Variants in ELP3 observed in about 807,000 individuals in gnomAD.
The protein encoded by ELP3 is elongator acetyltransferase complex subunit 3.
A neutral mutation model predicts 74.9 loss-of-function variants in ELP3; 56 were observed. The ratio of observed to expected loss-of-function variants is 0.75; its 90% CI spans 0.60 to 0.93. ELP3 has a LOEUF of 0.93. Ranked by LOEUF, ELP3 falls within the 40% of genes least tolerant of loss-of-function variation. The probability of loss-of-function intolerance (pLI) is 0.00; values close to 1 mark genes in which losing one functional copy is unlikely to be tolerated. For synonymous variants in ELP3, 222 were observed against 239.8 expected (o/e 0.93, Z 0.68); for missense variants, 573 against 686.5 (o/e 0.83, Z 1.85).
chr8:28,098,370 A>C (rs1165828243), intron 2 of ELP3, among the ~76,000 whole-genome samples: 1 of 152,080 alleles, frequency 6.6e-6, no homozygotes, highest in Non-Finnish European at 1.5e-5. Flanking sequence ...CCTTCCTTGA[A>C]TCCTCATGCT....
chr8:28,140,526 A>T (rs1226518405), intron 10 of ELP3, among the ~76,000 whole-genome samples: 14 of 152,156 alleles, frequency 9.2e-5, no homozygotes. Flanking sequence ...TTGTGACTCA[A>T]ATCCAATACT....
At chr8:28,131,924 T>C (rs1812798971) in intron 8 of ELP3, among the ~76,000 whole-genome samples, 1 of 152,238 alleles carries the variant, frequency 6.6e-6, no homozygotes, top group Non-Finnish European at 1.5e-5. Flanking sequence ...TTTACATTCA[T>C]AAGCTTATTT....
At chr8:28,185,297 G>A (rs1815192312) in intron 14 of ELP3, among the ~76,000 whole-genome samples, 1 of 152,120 alleles carries the variant, frequency 6.6e-6, no homozygotes, top group Non-Finnish European at 1.5e-5. Flanking sequence ...TTCAGCTCTT[G>A]TACATTGAAT....
chr8:28,149,025 C>T (rs995948607), intron 10 of ELP3, among the ~76,000 whole-genome samples: 5 of 152,190 alleles, frequency 3.3e-5, no homozygotes, highest in African/African-American at 7.2e-5. Flanking sequence ...TTCCTTCCAT[C>T]ATATGAGACA....
At position 28,187,572 on chromosome 8, in the gene ELP3, G is replaced by A. The variant is rs560699544; in HGVS notation, c.1568-2077G>A. Among the ~76,000 whole-genome samples the A allele has an allele frequency of 2.1e-3, 326 of 152,302 alleles. 2 individuals carry two copies. The highest frequency in any genetic ancestry group is 7.3e-3 in the African/African-American group (302 of 41,568). ...CCTTGAGTAAGTTGAGTGCACGCCC[G>A]TCTCAGGACTTTCACATTTGTTTTT... On this transcript the variant is annotated intron_variant, in intron 14 of 14. Coordinates refer to ENST00000256398, the MANE Select transcript of ELP3 (RefSeq NM_018091.6).
chr8:28,115,160 G>A (rs773593189), intron 7 of ELP3, among the ~76,000 whole-genome samples: 1 of 152,138 alleles, frequency 6.6e-6, no homozygotes, highest in Non-Finnish European at 1.5e-5. Context: ...TGTTTTGGAT[G>A]TGTGAAGTCT....
At chr8:28,120,542 A>C (rs1054622722) in intron 7 of ELP3, among the ~76,000 whole-genome samples, 2 of 152,290 alleles carry the variant, frequency 1.3e-5, no homozygotes, top group Non-Finnish European at 1.5e-5. Flanking sequence ...CAAAGTTTTT[A>C]ATTTTGATAA....
chr8:28,090,326 T>C (rs1811018804), upstream of ELP3: 2 of 393,998 alleles, frequency 5.1e-6, no homozygotes, highest in South Asian at 1.9e-5. Context: ...GAATCCTCCA[T>C]AGTCTGGTGA....
At chr8:28,145,432 A>G (rs146911799) in intron 10 of ELP3, among the ~76,000 whole-genome samples, 1 of 152,342 alleles carries the variant, frequency 6.6e-6, no homozygotes, top group East Asian at 1.9e-4. Flanking sequence ...ATGATTTTTA[A>G]TAATTATAGT....
chr8:28,159,748 G>A (rs1378457887), intron 12 of ELP3, among the ~76,000 whole-genome samples: 2 of 152,146 alleles, frequency 1.3e-5, no homozygotes, highest in Non-Finnish European at 2.9e-5. Flanking sequence ...TTGAAATTTC[G>A]TCAAGGTGCA....
chr8:28,171,280 T>C (rs1814513892), intron 14 of ELP3, among the ~76,000 whole-genome samples: 1 of 149,846 alleles, frequency 6.7e-6, no homozygotes, highest in South Asian at 2.1e-4. Context: ...GTAACTGCAC[T>C]GTTTTTCATT....
At chr8:28,152,587 C>T (rs971148091) in intron 10 of ELP3, among the ~76,000 whole-genome samples, 4 of 152,136 alleles carry the variant, frequency 2.6e-5, no homozygotes, top group African/African-American at 9.7e-5. Flanking sequence ...AGGTGGATCA[C>T]CTGAGGTCAG....
chr8:28,129,902 C>G (rs1254026907), intron 8 of ELP3, among the ~76,000 whole-genome samples: 1 of 152,202 alleles, frequency 6.6e-6, no homozygotes, highest in East Asian at 1.9e-4. Context: ...CTCTCTCCCT[C>G]TTCTTGTCCT....
chr8:28,189,758 T>G lies in ELP3; in HGVS notation c.*33T>G, dbSNP rs760032762. 1 of 1,592,304 alleles carries G rather than the reference T, an allele frequency of 6.3e-7. No homozygotes were observed. Reference sequence around the variant, plus strand: ...ACCAGTCCACTCTTCTGCAGTATCCTCCCTGGCAGAACACGGAGAATCAGG... The same window carrying G: ...ACCAGTCCACTCTTCTGCAGTATCCGCCCTGGCAGAACACGGAGAATCAGG... On this transcript the variant is annotated 3_prime_UTR_variant, in exon 15 of 15. Coordinates refer to ENST00000256398, the MANE Select transcript of ELP3 (RefSeq NM_018091.6).
At position 28,141,744 on chromosome 8, in the gene ELP3, T is replaced by C. The variant is rs536362705; in HGVS notation, c.1100+3853T>C. On this transcript the variant is annotated intron_variant, in intron 10 of 14. Transcript: ENST00000256398. Reference sequence around the variant, plus strand: ...GTGATTGTTTCAAAATCTAAACTAATACACTAGACAACAAAGCTGCAGTAA... The same window carrying C: ...GTGATTGTTTCAAAATCTAAACTAACACACTAGACAACAAAGCTGCAGTAA... 2.0e-5 allele frequency among the ~76,000 whole-genome samples: 3 copies of C among 152,288 alleles called. No individual in the cohort carries two copies. In the East Asian group the frequency reaches 5.8e-4, roughly 29 times the overall value.
chr8:28,178,917 G>A (rs1000654343), intron 14 of ELP3, among the ~76,000 whole-genome samples: 2 of 152,176 alleles, frequency 1.3e-5, no homozygotes, highest in Non-Finnish European at 2.9e-5. Flanking sequence ...GTTGCTGTGT[G>A]CACATGTGTG....
chr8:28,145,507 T>C (rs1026691903), intron 10 of ELP3, among the ~76,000 whole-genome samples: 3 of 152,256 alleles, frequency 2.0e-5, no homozygotes, highest in Admixed American at 6.5e-5. Context: ...TCAGTGCCTT[T>C]AGAAAATCTG....
At chr8:28,151,215 C>G (rs538374201) in intron 10 of ELP3, among the ~76,000 whole-genome samples, 1 of 152,316 alleles carries the variant, frequency 6.6e-6, no homozygotes, top group African/African-American at 2.4e-5. Context: ...TCAGCCATGT[C>G]TGTCTACTAA....
chr8:28,161,852 C>A (rs1428976900), intron 13 of ELP3, 145 bp from the exon 14 acceptor site: 2 of 665,380 alleles, frequency 3.0e-6, no homozygotes, highest in Admixed American at 2.9e-5. Context: ...TGAATGGTTT[C>A]TTTTTCCTTA....
Sources: gnomAD v4.1 joint callset for allele counts (sites outside exome capture counted in the v4.1 genomes callset) on GRCh38, gnomAD v4.1.1 for gene constraint, MANE v1.5 for transcripts, NCBI Gene and HGNC (gene_info 2026-07-23, HGNC 2026-07-21) for gene names.